The following ATAD1 variants were observed in gnomAD, a reference collection of about 807,000 sequenced individuals.
ATAD1 encodes outer mitochondrial transmembrane helix translocase.
Under a neutral mutation model 42.7 loss-of-function variants are expected in ATAD1, and 18 were observed. That is an observed-to-expected ratio of 0.42 (90% CI 0.29 to 0.63). The LOEUF (loss-of-function observed/expected upper bound fraction) is 0.63, where lower values mean the gene tolerates loss of function less well. Ranked by LOEUF, ATAD1 falls within the 20% of genes least tolerant of loss-of-function variation. ATAD1 has a pLI of 0.19. For synonymous variants in ATAD1, 132 were observed against 143.1 expected, an observed-to-expected ratio of 0.92 and a Z score of 0.55; for missense variants, 294 against 440.4, an observed-to-expected ratio of 0.67 and a Z score of 2.98.
chr10:87,784,433 G>C, intron 5 of ATAD1, 37 bp downstream of exon 5: 1 of 1,573,892 alleles, frequency 6.4e-7, no homozygotes, highest in African/African-American at 1.4e-5. Context: ...CTCTAAAAAT[G>C]GCCTTTAAAA....
intron 1 of ATAD1, among the ~76,000 whole-genome samples, chr10:87,817,455 T>C (rs931494044): frequency 2.6e-5 from 4 of 152,366 alleles, no homozygotes; most frequent in African/African-American, 9.6e-5. Context: ...GGTCGTTTCA[T>C]TTTAAGTTCT....
rs114428714 is a variant in ATAD1 at position 87,770,952 on chromosome 10, A to G, written c.780T>C (p.Pro260=). The change falls in exon 7 of 10, where the codon CCT becomes CCC. Residue 260 remains proline, a splice_region_variant and synonymous_variant. Transcript: ENST00000680024. The part of the protein sequence containing the change: ...RMPTRFHINQ[P]ALKQREAILK... ...CATAATATCAATCAAGACCACCTAC[A>G]GGCTGGTTGATATGAAATCTTGTAG... 1 of 1,612,236 alleles carries G rather than the reference A, an allele frequency of 6.2e-7. No homozygotes were observed. Among genetic ancestry groups the G allele is most frequent in the Non-Finnish European group, 8.5e-7 (1 of 1,178,738 alleles).
At chr10:87,793,921 G>A (rs1312675229) in intron 2 of ATAD1, among the ~76,000 whole-genome samples, 1 of 151,732 alleles carries the variant, frequency 6.6e-6, no homozygotes, top group African/African-American at 2.4e-5. Flanking sequence ...GGATAAATGT[G>A]TTTAATAGCT....
At chr10:87,766,058 A>C (rs1471975363) in intron 8 of ATAD1, among the ~76,000 whole-genome samples, 1 of 151,340 alleles carries the variant, frequency 6.6e-6, no homozygotes, top group African/African-American at 2.5e-5. Context: ...AAAAACAAAA[A>C]CAAAAAAACA....
chr10:87,784,717 C>T (rs956685318), intron 4 of ATAD1, 47 bp from the exon 5 acceptor site: 6 of 1,533,582 alleles, frequency 3.9e-6, no homozygotes, highest in Non-Finnish European at 5.4e-6. Context: ...ATATTTGCTT[C>T]AATTTATATG....
chr10:87,807,875 G>C (rs1307711012), intron 2 of ATAD1, among the ~76,000 whole-genome samples: 1 of 152,000 alleles, frequency 6.6e-6, no homozygotes, highest in East Asian at 1.9e-4. Context: ...ATAGACTTTT[G>C]TTCTTCCACA....
chr10:87,760,580 C>CA (rs952916876), intron 8 of ATAD1, among the ~76,000 whole-genome samples: 3 of 151,822 alleles, frequency 2.0e-5, no homozygotes, highest in South Asian at 2.1e-4. Context: ...CCCATCTCAA[C>CA]AAAAAAAATT....
chr10:87,808,530 A>G (rs1857033950), intron 2 of ATAD1, among the ~76,000 whole-genome samples: 1 of 152,222 alleles, frequency 6.6e-6, no homozygotes, highest in Non-Finnish European at 1.5e-5. Flanking sequence ...AGCCTGGGCA[A>G]CAGAGCAAGG....
intron 2 of ATAD1, among the ~76,000 whole-genome samples, chr10:87,807,716 T>C (rs936506053): frequency 2.6e-5 from 4 of 152,186 alleles, no homozygotes; most frequent in Non-Finnish European, 4.4e-5. Flanking sequence ...GAAACACTTA[T>C]GCAGCACTGT....
At chr10:87,757,478 A>G (rs1389189197) in intron 8 of ATAD1, among the ~76,000 whole-genome samples, 1 of 152,232 alleles carries the variant, frequency 6.6e-6, no homozygotes, top group Non-Finnish European at 1.5e-5. Flanking sequence ...AGAGAAAATA[A>G]GCAAGAAAAA....
Position 87,753,594 on chromosome 10 carries a change from T to A in ATAD1, c.*1093A>T, listed in dbSNP as rs1372692162. On this transcript the variant is annotated 3_prime_UTR_variant, in exon 10 of 10. Coordinates refer to ENST00000680024, the MANE Select transcript of ATAD1 (RefSeq NM_001321967.2). ...TAGATACAATATGGGCATTTTGATG[T>A]GTACATTTGTACCTGACTTAGGGCA... is the stretch of plus-strand genomic sequence containing the variant. The A allele has an allele frequency of 2.0e-5, 3 of 152,614 alleles. No homozygotes were observed. Among genetic ancestry groups the A allele is most frequent in the Non-Finnish European group, 4.4e-5 (3 of 68,018 alleles). The allele number at this position is 152,614 out of a possible 1,614,324, so 9.5% of individuals were successfully genotyped here. A position where few individuals can be genotyped will look rare whatever the true frequency, so the allele number is the denominator to read the frequency against.
chr10:87,767,848 C>G, intron 7 of ATAD1, 125 bp from the exon 8 acceptor site: 1 of 880,674 alleles, frequency 1.1e-6, no homozygotes, highest in South Asian at 1.7e-5. Flanking sequence ...ATGACAGAAA[C>G]TTTGAAGAGG....
At chr10:87,818,108 A>T in intron 1 of ATAD1, 59 bp downstream of exon 1, 2 of 985,544 alleles carry the variant, frequency 2.0e-6, no homozygotes, top group Non-Finnish European at 2.4e-6. Context: ...CGGTCCTTAA[A>T]GGACCTCAGA....
At chr10:87,806,400 C>T (rs1215467310) in intron 2 of ATAD1, among the ~76,000 whole-genome samples, 1 of 151,852 alleles carries the variant, frequency 6.6e-6, no homozygotes, top group Non-Finnish European at 1.5e-5. Context: ...GGTTTAAGAA[C>T]AAGAACATTA....
rs770269760 is a variant in ATAD1 at position 87,776,394 on chromosome 10, T to C, written c.617A>G (p.His206Arg). ...SFLRNRSSSDHEATAMMKAQF... is the reference protein window; with the variant it reads ...SFLRNRSSSDREATAMMKAQF... Reference sequence around the variant, plus strand: ...AGCTTTCATCATGGCTGTAGCTTCATGGTCAGAACTTGAACGGTTTCGTAG... The same window carrying C: ...AGCTTTCATCATGGCTGTAGCTTCACGGTCAGAACTTGAACGGTTTCGTAG... Residue 206 changes from histidine (H) to arginine (R), a missense_variant, in exon 6 of 10, where the codon CAT (histidine) becomes CGT (arginine). By Grantham distance (29) the His-to-Arg change is conservative. Transcript: ENST00000680024. 5 of 1,613,874 alleles carry C rather than the reference T, an allele frequency of 3.1e-6. No individual in the cohort carries two copies. Among genetic ancestry groups the C allele is most frequent in the Non-Finnish European group, 4.2e-6 (5 of 1,179,838 alleles).
intron 2 of ATAD1, among the ~76,000 whole-genome samples, chr10:87,807,485 G>A (rs1856980248): frequency 6.6e-6 from 1 of 152,116 alleles, no homozygotes; most frequent in Non-Finnish European, 1.5e-5. Context: ...TTACAACCTG[G>A]CAGGGGTGAA....
chr10:87,789,623 C>T (rs1855998372), intron 4 of ATAD1, among the ~76,000 whole-genome samples: 1 of 151,950 alleles, frequency 6.6e-6, no homozygotes, highest in African/African-American at 2.4e-5. Flanking sequence ...TCAGGAGGCT[C>T]AGGTGGGAGG....
At chr10:87,756,081 A>C (rs1854210322) in intron 9 of ATAD1, among the ~76,000 whole-genome samples, 1 of 152,190 alleles carries the variant, frequency 6.6e-6, no homozygotes, top group South Asian at 2.1e-4. Flanking sequence ...CTGCAATTAA[A>C]TATATGAATA....
intron 8 of ATAD1, among the ~76,000 whole-genome samples, chr10:87,760,758 CAAAACAA>C (rs1183681542): frequency 2.0e-5 from 3 of 151,740 alleles, no homozygotes; most frequent in African/African-American, 7.3e-5. Flanking sequence ...AGTTCTGTCT[CAAAACAA>C]AAAACAAAAA....
Sources: allele counts gnomAD v4.1 joint callset (sites outside exome capture counted in the v4.1 genomes callset), GRCh38; gene constraint gnomAD v4.1.1; transcripts MANE v1.5; gene names NCBI Gene and HGNC (gene_info 2026-07-23, HGNC 2026-07-21).